The following FARS2 variants were observed in gnomAD, a reference collection of about 807,000 sequenced individuals.
FARS2 encodes phenylalanine--tRNA ligase, mitochondrial.
FARS2 carries 40 observed loss-of-function variants against 46.4 expected under a neutral mutation model. That is an observed-to-expected ratio of 0.86 (90% confidence interval 0.67 to 1.12). The LOEUF (loss-of-function observed/expected upper bound fraction) is 1.12, where lower values mean the gene tolerates loss of function less well. Ranked by LOEUF, FARS2 falls within the 50% of genes most tolerant of loss-of-function variation. The pLI is 0.00. For missense variants in FARS2, 513 were observed against 567.9 expected, an observed-to-expected ratio of 0.90 and a Z score of 0.98; for synonymous variants, 234 against 214.9, an observed-to-expected ratio of 1.09 and a Z score of -0.78.
In FARS2 at chr6:5,764,994, G is replaced by A. The variant is rs980710492; in HGVS notation, c.1218-6297G>A. 1.3e-5 allele frequency among the ~76,000 whole-genome samples: 2 copies of A among 152,226 alleles called. No individual in the cohort carries two copies. Among genetic ancestry groups the A allele is most frequent in the Non-Finnish European group, 2.9e-5 (2 of 68,030 alleles). ...GTATCACTTAAGTTGATCGGGAAAA[G>A]AAAATAATCACTGGGGAGGGACCCC... is the stretch of plus-strand genomic sequence containing the variant. On this transcript the variant is annotated intron_variant, in intron 6 of 6. Coordinates refer to ENST00000274680, the MANE Select transcript of FARS2 (RefSeq NM_006567.5). The surrounding 1 kb of genome is among the most constrained non-coding windows in gnomAD (Gnocchi z 4.1).
chr6:5,461,239 T>G (rs1765224671), intron 4 of FARS2, among the ~76,000 whole-genome samples: 1 of 151,902 alleles, frequency 6.6e-6, no homozygotes, highest in Non-Finnish European at 1.5e-5. Context: ...AAAGTTTCAC[T>G]ACATTGCCTA....
chr6:5,410,080 TAAC>T (rs916763819), intron 3 of FARS2, among the ~76,000 whole-genome samples: 10 of 152,152 alleles, frequency 6.6e-5, no homozygotes, highest in Non-Finnish European at 1.5e-5. Flanking sequence ...CACTGAATGT[TAAC>T]AATGCTTTCA....
chr6:5,461,195 C>T (rs1323082424), intron 4 of FARS2, among the ~76,000 whole-genome samples: 1 of 152,048 alleles, frequency 6.6e-6, no homozygotes, highest in Non-Finnish European at 1.5e-5. Context: ...TGCACCATCA[C>T]GCCTGGCTAA....
chr6:5,669,221 C>T (rs1268856537), intron 6 of FARS2, among the ~76,000 whole-genome samples: 1 of 152,156 alleles, frequency 6.6e-6, no homozygotes, highest in Non-Finnish European at 1.5e-5. Context: ...ACGTGTTATC[C>T]TGGCCTCCTA....
chr6:5,518,677 TTAA>T (rs1456336184), intron 4 of FARS2, among the ~76,000 whole-genome samples: 10 of 152,234 alleles, frequency 6.6e-5, no homozygotes, highest in Non-Finnish European at 1.2e-4. Context: ...TTTATTATAA[TTAA>T]TGTTGAAAGT....
At chr6:5,346,911 GTTT>G (rs35923995) in intron 1 of FARS2, among the ~76,000 whole-genome samples, 1 of 145,134 alleles carries the variant, frequency 6.9e-6, no homozygotes, top group Admixed American at 6.8e-5. Flanking sequence ...CATTCATTAG[GTTT>G]TTTTTTTTTT....
At chr6:5,706,318 G>A (rs1758761609) in intron 6 of FARS2, among the ~76,000 whole-genome samples, 1 of 152,198 alleles carries the variant, frequency 6.6e-6, no homozygotes, top group South Asian at 2.1e-4. Context: ...ACAGCCCGGG[G>A]GTGGGGGACT....
intron 6 of FARS2, among the ~76,000 whole-genome samples, chr6:5,663,483 G>A (rs1384286494): frequency 6.6e-6 from 1 of 152,174 alleles, no homozygotes; most frequent in Non-Finnish European, 1.5e-5. Flanking sequence ...GCTTGCCTTT[G>A]GGGCCACCAG....
chr6:5,651,266 C>G (rs1316829259), intron 6 of FARS2, among the ~76,000 whole-genome samples: 2 of 152,142 alleles, frequency 1.3e-5, no homozygotes, highest in African/African-American at 4.8e-5. Flanking sequence ...CAAAACCCCC[C>G]AAAAGATTCA....
At chr6:5,584,527 C>G (rs1773512098) in intron 5 of FARS2, among the ~76,000 whole-genome samples, 1 of 152,232 alleles carries the variant, frequency 6.6e-6, no homozygotes, top group African/African-American at 2.4e-5. Context: ...CAGCCTTCCT[C>G]TTTCTTTTTC....
In FARS2 at chr6:5,765,399, G is replaced by A. The variant is rs1762699240; in HGVS notation, c.1218-5892G>A. 1.3e-5 allele frequency among the ~76,000 whole-genome samples: 2 copies of A among 152,256 alleles called. No homozygotes were observed. Among genetic ancestry groups the A allele is most frequent in the Non-Finnish European group, 2.9e-5 (2 of 68,048 alleles). ...GGAGCTGACGGGCGGCAGTGGGAGA[G>A]TGGAAGAGGTGGGCCCTGGGCACAG... On this transcript the variant is annotated intron_variant, in intron 6 of 6. Transcript: ENST00000274680. The surrounding 1 kb of genome is among the most constrained non-coding windows in gnomAD (Gnocchi z 4.0).
intron 4 of FARS2, among the ~76,000 whole-genome samples, chr6:5,445,984 G>A (rs922506176): frequency 5.3e-5 from 8 of 152,172 alleles, no homozygotes; most frequent in Non-Finnish European, 8.8e-5. Flanking sequence ...CAGATCACGA[G>A]GTCAGGAGAT....
At chr6:5,618,671 A>G (rs762547806) in intron 6 of FARS2, among the ~76,000 whole-genome samples, 17 of 152,214 alleles carry the variant, frequency 1.1e-4, no homozygotes, top group Non-Finnish European at 2.1e-4. Context: ...TTCAGGTTAG[A>G]AGAAAATGGC....
At chr6:5,304,407 T>C (rs1214431791) in intron 1 of FARS2, among the ~76,000 whole-genome samples, 2 of 152,250 alleles carry the variant, frequency 1.3e-5, no homozygotes, top group Non-Finnish European at 2.9e-5. Flanking sequence ...TATACATTTG[T>C]ACATGTAGCT....
intron 1 of FARS2, among the ~76,000 whole-genome samples, chr6:5,309,488 A>G (rs1029208086): frequency 2.0e-5 from 3 of 152,206 alleles, no homozygotes; most frequent in Non-Finnish European, 4.4e-5. Context: ...CCCTGATGAC[A>G]TGGTGCCTCC....
intron 4 of FARS2, among the ~76,000 whole-genome samples, chr6:5,536,272 C>A (rs138656948): frequency 0.018 from 2,778 of 152,184 alleles, 108 homozygotes; most frequent in African/African-American, 0.063. Context: ...ACCTCATGAT[C>A]TGCCCACCTC....
chr6:5,261,179 G>C (rs1193152100), upstream of FARS2: 5 of 155,628 alleles, frequency 3.2e-5, no homozygotes, highest in African/African-American at 1.2e-4. Context: ...GAACCGTCTG[G>C]GGTCTTGGCG....
intron 6 of FARS2, among the ~76,000 whole-genome samples, chr6:5,737,536 G>A (rs1761031660): frequency 6.6e-6 from 1 of 152,140 alleles, no homozygotes; most frequent in Admixed American, 6.5e-5. Flanking sequence ...GTCTGAAAAA[G>A]AAAGAAGATC....
At chr6:5,615,089 T>C (rs1028323295) in intron 6 of FARS2, among the ~76,000 whole-genome samples, 1 of 152,250 alleles carries the variant, frequency 6.6e-6, no homozygotes, top group African/African-American at 2.4e-5. Context: ...CACCTCAGTA[T>C]TGATCTTTTC....
Sources: gnomAD v4.1 joint callset for allele counts (sites outside exome capture counted in the v4.1 genomes callset) on GRCh38, gnomAD v4.1.1 for gene constraint, Gnocchi (gnomAD v3.1) non-coding constraint, MANE v1.5 for transcripts, NCBI Gene and HGNC (gene_info 2026-07-23, HGNC 2026-07-21) for gene names.